The following RBFOX1 variants were observed in gnomAD, a reference collection of about 807,000 sequenced individuals.
RBFOX1 encodes the protein RNA binding protein fox-1 homolog 1.
Under a neutral mutation model 57.7 loss-of-function variants are expected in RBFOX1, and 8 were observed. The observed-to-expected ratio is 0.14, with a 90% CI of 0.08 to 0.25. The LOEUF (loss-of-function observed/expected upper bound fraction) is 0.25. Ranked by LOEUF, RBFOX1 falls within the 10% of genes least tolerant of loss-of-function variation. The probability of loss-of-function intolerance (pLI) is 1.00; values close to 1 mark genes in which losing one functional copy is unlikely to be tolerated. For missense variants in RBFOX1, 611 were observed against 548.5 expected (o/e 1.11, Z -1.14); for synonymous variants, 326 against 222.4 (o/e 1.47, Z -4.15).
chr16:6,657,548 G>C (rs1057307828), intron 3 of RBFOX1, among the ~76,000 whole-genome samples: 3 of 152,108 alleles, frequency 2.0e-5, no homozygotes, highest in South Asian at 2.1e-4. Flanking sequence ...GCACTCTGGT[G>C]CCTCTGCCAC....
At chr16:5,573,772 G>A (rs1429857825) in intron 2 of RBFOX1, among the ~76,000 whole-genome samples, 2 of 152,004 alleles carry the variant, frequency 1.3e-5, no homozygotes, top group Non-Finnish European at 2.9e-5. Context: ...GACCAGCCTG[G>A]GCAACATGGC....
chr16:5,536,152 C>G lies in RBFOX1; in HGVS notation c.259-62750C>G, dbSNP rs573004414. Among the ~76,000 whole-genome samples the G allele has an allele frequency of 7.0e-5, 10 of 142,954 alleles. No homozygotes were observed. In the South Asian group the frequency reaches 1.9e-3, roughly 27 times the overall value. The allele number at this position is 142,954 out of a possible 152,430, so 93.8% of individuals were successfully genotyped here. A position where few individuals can be genotyped will look rare whatever the true frequency, so the allele number is the denominator to read the frequency against. ...ACAGTTCTTACCTCAACTTATTTCT[C>G]TCCTCTCATATTTTTCTTATGAGTG... On this transcript the variant is annotated intron_variant, in intron 2 of 2. Coordinates refer to the RBFOX1 transcript ENST00000585867.
chr16:6,143,174 A>C (rs962727868), intron 1 of RBFOX1, among the ~76,000 whole-genome samples: 1 of 152,224 alleles, frequency 6.6e-6, no homozygotes, highest in African/African-American at 2.4e-5. Context: ...TTGTTTACAA[A>C]TGCTCTTCAG....
chr16:6,918,861 C>G (rs1045683317), intron 3 of RBFOX1, among the ~76,000 whole-genome samples: 3 of 152,078 alleles, frequency 2.0e-5, no homozygotes, highest in Non-Finnish European at 2.9e-5. Context: ...CAGGCTTGGC[C>G]CTTACCTGAT....
intron 3 of RBFOX1, among the ~76,000 whole-genome samples, chr16:5,685,939 A>G (rs1416981107): frequency 2.0e-5 from 3 of 152,226 alleles, no homozygotes; most frequent in Non-Finnish European, 4.4e-5. Context: ...AATAACCTAG[A>G]TGCCACTTAA....
chr16:5,239,954 G>T lies in RBFOX1; in HGVS notation c.68G>T (p.Arg23Met), dbSNP rs1011467870. 7.9e-6 allele frequency: 12 copies of T among 1,527,308 alleles called. No individual in the cohort carries two copies. In the African/African-American group the frequency reaches 1.2e-4, roughly 16 times the overall value. 94.6% of individuals were successfully genotyped at this position (1,527,308 alleles called of 1,614,324 possible). Residue 23 changes from arginine to methionine, a missense_variant, in exon 1 of 3, where the codon AGG becomes ATG. Physicochemically the swap from Arg to Met is moderately conservative, Grantham distance 91 (BLOSUM62 -1). Coordinates refer to the RBFOX1 transcript ENST00000585867. Reference sequence around the variant, plus strand: ...CGAGGCAGGGATGGCCGGCCCAGGAGGGAGGAGGACGACGTCCCTCCCGAA... The same window carrying T: ...CGAGGCAGGGATGGCCGGCCCAGGATGGAGGAGGACGACGTCCCTCCCGAA...
At chr16:6,487,902 C>T (rs1165400668) in intron 2 of RBFOX1, among the ~76,000 whole-genome samples, 1 of 151,568 alleles carries the variant, frequency 6.6e-6, no homozygotes, top group Admixed American at 6.6e-5. Context: ...AATTAGTAGT[C>T]AAAACCAGCC....
At chr16:6,358,979 G>A (rs923937988) in intron 2 of RBFOX1, among the ~76,000 whole-genome samples, 15 of 152,302 alleles carry the variant, frequency 9.8e-5, no homozygotes, top group African/African-American at 3.6e-4. Context: ...CTCTGTCGGC[G>A]CCTATAGAAG....
chr16:5,809,588 G>T (rs8051672), intron 3 of RBFOX1, among the ~76,000 whole-genome samples: 14,533 of 152,140 alleles, frequency 0.096, 2,317 homozygotes, highest in African/African-American at 0.33. Context: ...TCACCATCAC[G>T]GGCCATCAGA....
At chr16:6,359,344 T>C (rs924723492) in intron 2 of RBFOX1, among the ~76,000 whole-genome samples, 1 of 152,112 alleles carries the variant, frequency 6.6e-6, no homozygotes, top group African/African-American at 2.4e-5. Flanking sequence ...TCCTCCTGCC[T>C]CAGCCCCCAA....
At chr16:5,972,338 A>T (rs995524250) in intron 4 of RBFOX1, among the ~76,000 whole-genome samples, 1 of 152,258 alleles carries the variant, frequency 6.6e-6, no homozygotes, top group African/African-American at 2.4e-5. Context: ...TTCCGGAATC[A>T]GCTTTACAGC....
At chr16:6,972,003 T>G (rs954227624) in intron 3 of RBFOX1, among the ~76,000 whole-genome samples, 4 of 152,162 alleles carry the variant, frequency 2.6e-5, no homozygotes, top group Admixed American at 6.5e-5. Flanking sequence ...CAAGTTTTAC[T>G]GTGAAGTGAT....
At chr16:6,642,989 T>C (rs1424160979) in intron 2 of RBFOX1, among the ~76,000 whole-genome samples, 2 of 152,246 alleles carry the variant, frequency 1.3e-5, no homozygotes, top group Admixed American at 1.3e-4. Context: ...GTGAGTCATC[T>C]TCATATTTAG....
chr16:5,250,409 A>G (rs774231220), intron 1 of RBFOX1, among the ~76,000 whole-genome samples: 2 of 150,276 alleles, frequency 1.3e-5, no homozygotes, highest in Admixed American at 1.3e-4. Context: ...TTGTCATAAC[A>G]CTCTCCCTCC....
At chr16:6,646,539 T>G (rs1396384649) in intron 2 of RBFOX1, among the ~76,000 whole-genome samples, 3 of 152,132 alleles carry the variant, frequency 2.0e-5, no homozygotes, top group Non-Finnish European at 2.9e-5. Context: ...GTTAGTTCGT[T>G]GATTAACACC....
intron 3 of RBFOX1, among the ~76,000 whole-genome samples, chr16:6,834,122 T>C (rs1424712123): frequency 1.3e-5 from 2 of 152,024 alleles, no homozygotes; most frequent in Non-Finnish European, 2.9e-5. Context: ...TGGTGTGCAG[T>C]GGTGTGATCT....
intron 4 of RBFOX1, among the ~76,000 whole-genome samples, chr16:5,874,785 A>G (rs145291548): frequency 4.6e-5 from 7 of 152,256 alleles, no homozygotes; most frequent in South Asian, 2.1e-4. Context: ...CTCTCCAAAC[A>G]ATTTAGAAAA....
chr16:7,534,648 G>T (rs1856682853), intron 5 of RBFOX1, among the ~76,000 whole-genome samples: 1 of 152,116 alleles, frequency 6.6e-6, no homozygotes, highest in Admixed American at 6.6e-5. Flanking sequence ...TTTTCACCAG[G>T]CTCAGCAGAG....
intron 4 of RBFOX1, among the ~76,000 whole-genome samples, chr16:7,341,782 CCTTCCT>C (rs2096901322): frequency 5.8e-5 from 4 of 68,782 alleles, no homozygotes; most frequent in South Asian, 5.1e-4. Context: ...CTCCCTCCTT[CCTTCCT>C]TCCTTCCTTC....
Sources: allele counts gnomAD v4.1 joint callset (sites outside exome capture counted in the v4.1 genomes callset), GRCh38; gene constraint gnomAD v4.1.1; transcripts MANE v1.5; gene names NCBI Gene and HGNC (gene_info 2026-07-23, HGNC 2026-07-21).